PRSS23: variants seen among roughly 807,000 people sequenced by gnomAD.
PRSS23 encodes serine protease 23, also known as protease, serine 23.
In PRSS23, 25 loss-of-function variants were observed where a neutral mutation model predicts 34.7. The observed-to-expected ratio is 0.72, with a 90% CI of 0.53 to 1.01. The LOEUF is 1.01. PRSS23 is among the 50% of genes least tolerant of loss of function. The probability of loss-of-function intolerance (pLI) is 0.00; values close to 1 mark genes in which losing one functional copy is unlikely to be tolerated. For missense variants in PRSS23, 445 were observed against 475.6 expected (o/e 0.94, Z 0.60); for synonymous variants, 176 against 186.6 (o/e 0.94, Z 0.46).
rs532752864 is a variant in PRSS23 at position 86,878,814 on chromosome 11, T to G, written c.206+55221T>G. On this transcript the variant is annotated intron_variant, in intron 2 of 2. Coordinates refer to the PRSS23 transcript ENST00000533902. ...CCCGGCCACCATCCCATCTAGGAAGTGAGGAGCGCCTCTTCCCTGCGGCCA... is the reference window on the plus strand; with the variant it reads ...CCCGGCCACCATCCCATCTAGGAAGGGAGGAGCGCCTCTTCCCTGCGGCCA... 8.8e-3 allele frequency among the ~76,000 whole-genome samples: 1,328 copies of G among 151,084 alleles called. 21 individuals are homozygous for G. Among genetic ancestry groups the G allele is most frequent in the African/African-American group, 0.03 (1,227 of 40,952 alleles).
At chr11:86,827,088 C>T (rs1052830863) in intron 2 of PRSS23, among the ~76,000 whole-genome samples, 1 of 152,072 alleles carries the variant, frequency 6.6e-6, no homozygotes, top group Non-Finnish European at 1.5e-5. Context: ...CTCCTTGTAC[C>T]TCTGGTAGAA....
rs191460870 is a variant in PRSS23, at chr11:86,883,605, C to A, written c.206+60012C>A. ...ATGGGCAAAGATTTCATGATGAAGA[C>A]GCCAAAAGCAAATTCAATAAAAGCA... On this transcript the variant is annotated intron_variant, in intron 2 of 2. Transcript: ENST00000533902. Among the ~76,000 whole-genome samples, 22 of 152,228 alleles carry A rather than the reference C, an allele frequency of 1.4e-4. No individual in the cohort carries two copies. The South Asian group carries it at 4.6e-3, about 32-fold the overall frequency.
intron 2 of PRSS23, chr11:86,833,083 C>G: frequency 1.7e-6 from 1 of 592,370 alleles, no homozygotes; most frequent in Non-Finnish European, 3.2e-6. Flanking sequence ...TGACAGATGG[C>G]TACAAACCGG....
intron 2 of PRSS23, among the ~76,000 whole-genome samples, chr11:86,880,216 A>T (rs960684547): frequency 2.8e-4 from 42 of 152,064 alleles, no homozygotes; most frequent in Non-Finnish European, 5.0e-4. Context: ...GCGGTGTAAG[A>T]TGTGCTTTGT....
intron 2 of PRSS23, among the ~76,000 whole-genome samples, chr11:86,880,473 CA>C (rs75178016): frequency 2.7e-5 from 4 of 150,324 alleles, no homozygotes; most frequent in African/African-American, 4.9e-5. Flanking sequence ...AAAGATAAGC[CA>C]AAAAAAAATA....
chr11:86,914,061 A>AAAAAC (rs60086815), intron 2 of PRSS23, among the ~76,000 whole-genome samples: 1 of 149,698 alleles, frequency 6.7e-6, no homozygotes, highest in Non-Finnish European at 1.5e-5. Flanking sequence ...AAAAAAAAAA[A>AAAAAC]CCTCAAAGAT....
At chr11:86,939,830 C>A (rs1024244126) in intron 2 of PRSS23, among the ~76,000 whole-genome samples, 51 of 150,642 alleles carry the variant, frequency 3.4e-4, no homozygotes, top group Non-Finnish European at 2.8e-4. Context: ...TTCTCTCATT[C>A]ACTTATGGAA....
chr11:86,841,307 C>A (rs1414766549), intron 2 of PRSS23, among the ~76,000 whole-genome samples: 1 of 143,512 alleles, frequency 7.0e-6, no homozygotes, highest in African/African-American at 2.6e-5. Flanking sequence ...CCATTGCACT[C>A]CAGCCTGGGC....
chr11:86,851,419 G>A (rs1462662792), intron 2 of PRSS23, among the ~76,000 whole-genome samples: 1 of 152,180 alleles, frequency 6.6e-6, no homozygotes, highest in Admixed American at 6.5e-5. Flanking sequence ...AGTGAACGTG[G>A]CATCCACTGG....
downstream of PRSS23, among the ~76,000 whole-genome samples, chr11:86,812,524 A>T (rs1336714048): frequency 1.3e-5 from 2 of 152,164 alleles, no homozygotes; most frequent in Non-Finnish European, 2.9e-5. Context: ...ATGGTGGCTC[A>T]TGTCTGTAAT....
intron 2 of PRSS23, among the ~76,000 whole-genome samples, chr11:86,875,176 C>A (rs1948714286): frequency 6.6e-6 from 1 of 152,110 alleles, no homozygotes; most frequent in Non-Finnish European, 1.5e-5. Flanking sequence ...TAGACCCCAC[C>A]TTATGATGAG....
In PRSS23 at chr11:86,824,329, T is replaced by TAAAAATAAAA. The variant is rs1231052805; in HGVS notation, c.206+737_206+746dup. Among the ~76,000 whole-genome samples the TAAAAATAAAA allele has an allele frequency of 3.7e-3, 53 of 14,438 alleles. 1 individual carries two copies. The highest frequency in any genetic ancestry group is 0.017 in the African/African-American group (51 of 3,022). 9.5% of individuals were successfully genotyped at this position (14,438 alleles called of 152,430 possible). A position where few individuals can be genotyped will look rare whatever the true frequency, so the allele number is the denominator to read the frequency against. ...CCTGTGTCAAAAATAAAAATAAAAA[T>TAAAAATAAAA]AAAAATAAAATAAAATAAAATAAAA... On this transcript the variant is annotated intron_variant, in intron 2 of 2. Transcript: ENST00000533902.
chr11:86,872,954 T>A (rs1316054201), intron 2 of PRSS23, among the ~76,000 whole-genome samples: 1 of 152,114 alleles, frequency 6.6e-6, no homozygotes, highest in Non-Finnish European at 1.5e-5. Flanking sequence ...CCACAGAGCA[T>A]CCATGCTACA....
intron 2 of PRSS23, among the ~76,000 whole-genome samples, chr11:86,931,631 T>C (rs966883412): frequency 5.3e-5 from 8 of 152,268 alleles, no homozygotes; most frequent in Non-Finnish European, 1.2e-4. Context: ...GCGATGGAAA[T>C]ATTGTATCTC....
chr11:86,822,863 G>A (rs921833008), intron 1 of PRSS23, among the ~76,000 whole-genome samples: 3 of 152,144 alleles, frequency 2.0e-5, no homozygotes, highest in Non-Finnish European at 2.9e-5. Flanking sequence ...ATACAAAATC[G>A]GTGTTTCCTT....
At chr11:86,950,199 A>G (rs1949277887) in intron 2 of PRSS23, 1 of 152,684 alleles carries the variant, frequency 6.5e-6, no homozygotes, top group Admixed American at 6.5e-5. Flanking sequence ...TGGCGTCTGC[A>G]TAGATGCAAT....
At chr11:86,804,331 A>C (rs1046418879) in intron 1 of PRSS23, among the ~76,000 whole-genome samples, 1 of 152,160 alleles carries the variant, frequency 6.6e-6, no homozygotes, top group Non-Finnish European at 1.5e-5. Flanking sequence ...AGTTTCTAAA[A>C]GTCTGCATTC....
chr11:86,795,132 A>T (rs1291381868), intron 1 of PRSS23, among the ~76,000 whole-genome samples: 4 of 152,200 alleles, frequency 2.6e-5, no homozygotes, highest in Non-Finnish European at 4.4e-5. Context: ...TAGCATGGAT[A>T]ATATAACAGT....
intron 2 of PRSS23, among the ~76,000 whole-genome samples, chr11:86,891,879 T>G (rs1376128529): frequency 6.6e-6 from 1 of 152,120 alleles, no homozygotes; most frequent in East Asian, 1.9e-4. Flanking sequence ...GTGAATAAGG[T>G]GCGCTTCCCC....
Sources: allele counts gnomAD v4.1 joint callset (sites outside exome capture counted in the v4.1 genomes callset), GRCh38; gene constraint gnomAD v4.1.1; transcripts MANE v1.5; gene names NCBI Gene and HGNC (gene_info 2026-07-23, HGNC 2026-07-21).